The following RBFOX1 variants were observed in gnomAD, a reference collection of about 807,000 sequenced individuals.
RBFOX1 encodes RNA binding fox-1 homolog 1.
In RBFOX1, 8 loss-of-function variants were observed where a neutral mutation model predicts 57.7. That is an observed-to-expected ratio of 0.14 (90% CI 0.08 to 0.25). The LOEUF (loss-of-function observed/expected upper bound fraction) is 0.25. Among genes scored for constraint, RBFOX1 ranks in the 10% least tolerant of loss-of-function variants. The pLI, the probability that RBFOX1 is intolerant of heterozygous loss-of-function variation, is 1.00. For missense variants in RBFOX1, 611 were observed against 548.5 expected, an observed-to-expected ratio of 1.11 and a Z score of -1.14; for synonymous variants, 326 against 222.4, an observed-to-expected ratio of 1.47 and a Z score of -4.15.
chr16:6,930,007 C>A (rs759927541), intron 3 of RBFOX1, among the ~76,000 whole-genome samples: 1 of 152,086 alleles, frequency 6.6e-6, no homozygotes, highest in African/African-American at 2.4e-5. Flanking sequence ...AAAAACAGAG[C>A]GAGATCTCTC....
At chr16:6,292,434 A>G (rs935126949) in intron 1 of RBFOX1, among the ~76,000 whole-genome samples, 1 of 151,966 alleles carries the variant, frequency 6.6e-6, no homozygotes, top group Non-Finnish European at 1.5e-5. Flanking sequence ...AGTAGTTCTA[A>G]GAGTTTACCA....
intron 3 of RBFOX1, among the ~76,000 whole-genome samples, chr16:5,664,981 G>A (rs185788226): frequency 6.6e-6 from 1 of 151,232 alleles, no homozygotes; most frequent in East Asian, 2.0e-4. Context: ...GTCTTGTTCT[G>A]CCATTCAGGC....
intron 3 of RBFOX1, among the ~76,000 whole-genome samples, chr16:5,808,623 G>A (rs969187414): frequency 1.3e-5 from 2 of 152,156 alleles, no homozygotes; most frequent in African/African-American, 4.8e-5. Flanking sequence ...TCTCCTTGAA[G>A]AGGTCCTTTA....
chr16:7,514,039 C>G (rs1264206586), intron 4 of RBFOX1, among the ~76,000 whole-genome samples: 1 of 152,110 alleles, frequency 6.6e-6, no homozygotes, highest in Non-Finnish European at 1.5e-5. Flanking sequence ...ACTACTTATG[C>G]AATAATGGCT....
chr16:7,703,774 C>G (rs935375049), intron 14 of RBFOX1, among the ~76,000 whole-genome samples: 3 of 152,182 alleles, frequency 2.0e-5, no homozygotes, highest in Non-Finnish European at 4.4e-5. Flanking sequence ...TTTGCTCCAA[C>G]ACAACCTTAA....
intron 4 of RBFOX1, among the ~76,000 whole-genome samples, chr16:7,416,111 C>T (rs2098475342): frequency 6.6e-6 from 1 of 152,204 alleles, no homozygotes; most frequent in South Asian, 2.1e-4. Context: ...GAAACGATTG[C>T]TCCCATTTTG....
chr16:6,010,801 C>T (rs998343987), intron 4 of RBFOX1, among the ~76,000 whole-genome samples: 1 of 152,216 alleles, frequency 6.6e-6, no homozygotes, highest in Non-Finnish European at 1.5e-5. Flanking sequence ...ATATTGCCCT[C>T]ATATTATCTA....
chr16:7,464,514 T>A (rs987510579), intron 4 of RBFOX1, among the ~76,000 whole-genome samples: 14 of 152,024 alleles, frequency 9.2e-5, no homozygotes, highest in Non-Finnish European at 1.8e-4. Context: ...CTATTGGACC[T>A]CTTTTCTAGT....
chr16:6,698,650 A>G (rs2061398081), intron 3 of RBFOX1, among the ~76,000 whole-genome samples: 1 of 152,066 alleles, frequency 6.6e-6, no homozygotes, highest in South Asian at 2.1e-4. Flanking sequence ...ACGTGGTGGG[A>G]CCACCCCTTT....
intron 3 of RBFOX1, among the ~76,000 whole-genome samples, chr16:6,728,910 T>C (rs2067876559): frequency 6.6e-6 from 1 of 152,182 alleles, no homozygotes; most frequent in South Asian, 2.1e-4. Context: ...AGTACATGTA[T>C]ACATATGCAT....
chr16:7,284,502 T>G lies in RBFOX1; in HGVS notation c.27+232404T>G, dbSNP rs140382539. Among the ~76,000 whole-genome samples the G allele has an allele frequency of 4.3e-3, 649 of 151,982 alleles. 8 individuals are homozygous for G. Among genetic ancestry groups the G allele is most frequent in the African/African-American group, 0.015 (612 of 41,476 alleles). ...CTCACCACCACGCCTGGTTAATTTT[T>G]TAACTTCTTGTAGAGATGAGGTCCT... On this transcript the variant is annotated intron_variant, in intron 4 of 15. Transcript: ENST00000550418.
In RBFOX1 at chr16:6,487,874, C is replaced by A. The variant is rs374229668; in HGVS notation, c.-63-166729C>A. 8.6e-5 allele frequency among the ~76,000 whole-genome samples: 13 copies of A among 151,366 alleles called. No individual in the cohort carries two copies. The South Asian group carries it at 2.7e-3, about 32-fold the overall frequency. On this transcript the variant is annotated intron_variant, in intron 2 of 15. Coordinates refer to ENST00000550418, the MANE Select transcript of RBFOX1 (RefSeq NM_018723.4). Reference sequence around the variant, plus strand: ...ATCTCTCCCTGTTATTTAAAATGGTCCTTTTTCCTTACACACTAATTAGTA... The same window carrying A: ...ATCTCTCCCTGTTATTTAAAATGGTACTTTTTCCTTACACACTAATTAGTA...
intron 1 of RBFOX1, among the ~76,000 whole-genome samples, chr16:6,135,552 G>A (rs983201132): frequency 6.6e-6 from 1 of 151,976 alleles, no homozygotes; most frequent in African/African-American, 2.4e-5. Flanking sequence ...GGTATTCATT[G>A]GATATTTGAA....
intron 1 of RBFOX1, among the ~76,000 whole-genome samples, chr16:5,251,077 T>TG (rs981571501): frequency 3.4e-4 from 52 of 151,748 alleles, no homozygotes; most frequent in African/African-American, 9.7e-4. Flanking sequence ...TGTCCTGGGG[T>TG]GGGGGGGTCC....
chr16:6,960,456 C>G (rs1025244165), intron 3 of RBFOX1, among the ~76,000 whole-genome samples: 5 of 152,140 alleles, frequency 3.3e-5, no homozygotes, highest in African/African-American at 1.2e-4. Context: ...TCCCTTGTCT[C>G]CCAGTTCTCG....
chr16:7,273,967 C>T (rs936926703), intron 4 of RBFOX1, among the ~76,000 whole-genome samples: 1 of 151,998 alleles, frequency 6.6e-6, no homozygotes, highest in East Asian at 1.9e-4. Context: ...TTATTAAATC[C>T]CCAAGGATAG....
chr16:5,521,888 C>G (rs183614103), intron 2 of RBFOX1, among the ~76,000 whole-genome samples: 1 of 152,214 alleles, frequency 6.6e-6, no homozygotes, highest in Admixed American at 6.5e-5. Flanking sequence ...TCATGAGTGC[C>G]CAGGACATGT....
chr16:7,607,561 C>T (rs1393551810), intron 10 of RBFOX1, among the ~76,000 whole-genome samples: 1 of 152,160 alleles, frequency 6.6e-6, no homozygotes, highest in African/African-American at 2.4e-5. Context: ...GGAGCCACTG[C>T]TCCTTAGGAC....
intron 3 of RBFOX1, among the ~76,000 whole-genome samples, chr16:5,750,968 G>A (rs1479795813): frequency 6.6e-6 from 1 of 152,186 alleles, no homozygotes; most frequent in Non-Finnish European, 1.5e-5. Context: ...GGGAGCTGTA[G>A]ACTGGAGCTG....
Sources: gnomAD v4.1 joint callset for allele counts (sites outside exome capture counted in the v4.1 genomes callset) on GRCh38, gnomAD v4.1.1 for gene constraint, MANE v1.5 for transcripts, NCBI Gene and HGNC (gene_info 2026-07-23, HGNC 2026-07-21) for gene names.